SKAP1: variants seen among roughly 807,000 people sequenced by gnomAD.
SKAP1 encodes src kinase-associated phosphoprotein 1.
Under a neutral mutation model 58.5 loss-of-function variants are expected in SKAP1, and 44 were observed. The ratio of observed to expected loss-of-function variants is 0.75; its 90% CI spans 0.59 to 0.97. The LOEUF is 0.97. Ranked by LOEUF, SKAP1 falls within the 50% of genes least tolerant of loss-of-function variation. The pLI, the probability that SKAP1 is intolerant of heterozygous loss-of-function variation, is 0.00. For missense variants in SKAP1, 390 were observed against 435.2 expected, an observed-to-expected ratio of 0.90 and a Z score of 0.92; for synonymous variants, 127 against 149.7, an observed-to-expected ratio of 0.85 and a Z score of 1.11.
In SKAP1 at chr17:48,298,612, G is replaced by A. The variant is rs1179671238; in HGVS notation, c.280+47293C>T. 1.3e-5 allele frequency among the ~76,000 whole-genome samples: 2 copies of A among 152,172 alleles called. 1 individual carries two copies. The highest frequency in any genetic ancestry group is 4.1e-4 in the South Asian group (2 of 4,834). ...GAGCAAAAAGCTCCCTGATGACTAC[G>A]TAATTCGCTTCAAGACACTATGTTT... On this transcript the variant is annotated intron_variant, in intron 4 of 12. Coordinates refer to ENST00000336915, the MANE Select transcript of SKAP1 (RefSeq NM_003726.4).
intron 11 of SKAP1, among the ~76,000 whole-genome samples, chr17:48,154,396 T>C (rs2063944320): frequency 6.6e-6 from 1 of 152,344 alleles, no homozygotes; most frequent in African/African-American, 2.4e-5. Context: ...GCAAGGAAGA[T>C]GACCCAGACC....
At chr17:48,436,817 G>A in the SKAP1 span, among the ~76,000 whole-genome samples, 1 of 152,092 alleles carries the variant, frequency 6.6e-6, no homozygotes, top group South Asian at 2.1e-4. Context: ...TCTCCCAAGA[G>A]CATCACTGAC....
intron 3 of SKAP1, among the ~76,000 whole-genome samples, 170 bp from the exon 4 acceptor site, chr17:48,346,176 A>T (rs1797538698): frequency 6.6e-6 from 1 of 152,210 alleles, no homozygotes; most frequent in Admixed American, 6.5e-5. Flanking sequence ...GGAAACAGTT[A>T]AATAGGTTCA....
rs56225931 is a variant in SKAP1 at position 48,257,628 on chromosome 17, C to CTT, written c.281-68130_281-68129dup. Reference sequence around the variant, plus strand: ...CTTTTCTTTTCTTTTTTCTTTCTTTCTTTTTTTTTTTTTTTTTTTTGGTTA... The same window carrying CTT: ...CTTTTCTTTTCTTTTTTCTTTCTTTCTTTTTTTTTTTTTTTTTTTTTTGGTTA... On this transcript the variant is annotated intron_variant, in intron 4 of 12. Transcript: ENST00000336915. Among the ~76,000 whole-genome samples the CTT allele has an allele frequency of 3.4e-4, 38 of 111,140 alleles. 1 individual carries two copies. The highest frequency in any genetic ancestry group is 1.0e-3 in the African/African-American group (31 of 30,810). 72.9% of individuals were successfully genotyped at this position (111,140 alleles called of 152,430 possible).
Position 48,180,184 on chromosome 17 carries a change from A to T in SKAP1, c.696T>A (p.Tyr232Ter). 1.9e-6 allele frequency: 3 copies of T among 1,613,666 alleles called. No homozygotes were observed. The highest frequency in any genetic ancestry group is 2.5e-6 in the Non-Finnish European group (3 of 1,179,780). ...GGGAGTCAAAACCATCAATATCATC[A>T]TATGTCTCTTCTTTTTCTTCTTCCT... The part of the protein sequence containing the change: ...DEEEEEKEET[Y>*]DDIDGFDSPS... Residue 232 changes from tyrosine to a stop codon, truncating the protein, a stop_gained, in exon 9 of 13, where the codon TAT becomes TAA. Coordinates refer to ENST00000336915, the MANE Select transcript of SKAP1 (RefSeq NM_003726.4). LOFTEE classifies it high-confidence loss of function.
At position 48,285,283 on chromosome 17, in the gene SKAP1, T is replaced by C. The variant is rs952747884; in HGVS notation, c.280+60622A>G. Among the ~76,000 whole-genome samples the C allele has an allele frequency of 3.9e-5, 6 of 152,198 alleles. 1 individual carries two copies. The highest frequency in any genetic ancestry group is 1.4e-4 in the African/African-American group (6 of 41,440). The stretch of plus-strand genomic sequence containing the variant: ...CTTATACCTCCTCTCCTTTATACGA[T>C]ACCACCTCCTCTTTCTGGTCATACT... On this transcript the variant is annotated intron_variant, in intron 4 of 12. Transcript: ENST00000336915.
At chr17:48,369,146 A>AAAATAAATAAAT (rs59376097) in intron 2 of SKAP1, among the ~76,000 whole-genome samples, 2,729 of 146,730 alleles carry the variant, frequency 0.019, 28 homozygotes, top group African/African-American at 0.029. Context: ...ACTCCATCTC[A>AAAATAAATAAAT]AAATAAATAA....
chr17:48,278,345 C>T (rs189306155), intron 4 of SKAP1, among the ~76,000 whole-genome samples: 2 of 151,826 alleles, frequency 1.3e-5, no homozygotes, highest in African/African-American at 2.4e-5. Context: ...AGTAGATGTC[C>T]GGTGTGTGTT....
intron 5 of SKAP1, 46 bp from the exon 6 acceptor site, chr17:48,187,972 C>T (rs748126193): frequency 2.9e-6 from 4 of 1,368,986 alleles, no homozygotes; most frequent in Non-Finnish European, 4.2e-6. Flanking sequence ...TAACTACCAT[C>T]ATTGAAGAGT....
At chr17:48,344,896 T>C (rs1356183033) in intron 4 of SKAP1, among the ~76,000 whole-genome samples, 4 of 152,144 alleles carry the variant, frequency 2.6e-5, no homozygotes, top group Non-Finnish European at 5.9e-5. Flanking sequence ...AAAACAGAAA[T>C]TATAAGCTCT....
At chr17:48,409,668 A>T (rs1470161882) in intron 1 of SKAP1, among the ~76,000 whole-genome samples, 8 of 46,586 alleles carry the variant, frequency 1.7e-4, no homozygotes, top group South Asian at 4.6e-4. Flanking sequence ...ATCCTGTCTC[A>T]AAAAAAAAAA....
At chr17:48,298,130 C>A (rs1247887865) in intron 4 of SKAP1, among the ~76,000 whole-genome samples, 5 of 152,214 alleles carry the variant, frequency 3.3e-5, no homozygotes, top group Non-Finnish European at 7.3e-5. Flanking sequence ...GTTTCCCTTG[C>A]AGTTGACACC....
At chr17:48,175,937 ACTCTTCC>A in intron 9 of SKAP1, among the ~76,000 whole-genome samples, 1 of 151,742 alleles carries the variant, frequency 6.6e-6, no homozygotes, top group South Asian at 2.1e-4. Context: ...GTTGGTGTTG[ACTCTTCC>A]CTGATGCTCT....
At chr17:48,332,505 G>A (rs1897980425) in intron 4 of SKAP1, among the ~76,000 whole-genome samples, 1 of 151,438 alleles carries the variant, frequency 6.6e-6, no homozygotes, top group Non-Finnish European at 1.5e-5. Flanking sequence ...GATAGTAAAA[G>A]TTTCTTAATC....
chr17:48,345,511 T>C (rs1267841491), intron 4 of SKAP1, among the ~76,000 whole-genome samples: 1 of 152,052 alleles, frequency 6.6e-6, no homozygotes, highest in Non-Finnish European at 1.5e-5. Flanking sequence ...CCACAGAAAA[T>C]TAATAATCCA....
chr17:48,162,238 T>C (rs1404578450), intron 11 of SKAP1, among the ~76,000 whole-genome samples: 19 of 152,222 alleles, frequency 1.2e-4, no homozygotes, highest in Admixed American at 1.2e-3. Flanking sequence ...AGTGCTAGGA[T>C]TGCAGGCGTG....
intron 4 of SKAP1, among the ~76,000 whole-genome samples, chr17:48,324,881 A>G (rs1452067568): frequency 3.3e-5 from 5 of 152,042 alleles, no homozygotes; most frequent in African/African-American, 1.2e-4. Context: ...CTTTTACCAA[A>G]CAGTGAGTAT....
chr17:48,429,605 C>T (rs2067891683), intron 1 of SKAP1, among the ~76,000 whole-genome samples: 1 of 152,146 alleles, frequency 6.6e-6, no homozygotes, highest in Non-Finnish European at 1.5e-5. Flanking sequence ...CTGGCCTTGG[C>T]CCATGGGGAT....
intron 4 of SKAP1, among the ~76,000 whole-genome samples, chr17:48,271,065 C>T (rs1186842264): frequency 6.6e-6 from 1 of 152,008 alleles, no homozygotes; most frequent in Non-Finnish European, 1.5e-5. Context: ...TTTTTTTAAA[C>T]ATTTCCTGTA....
Sources: gnomAD v4.1 joint callset for allele counts (sites outside exome capture counted in the v4.1 genomes callset) on GRCh38, gnomAD v4.1.1 for gene constraint, MANE v1.5 for transcripts, NCBI Gene and HGNC (gene_info 2026-07-23, HGNC 2026-07-21) for gene names.